NLGN4X: variants seen among roughly 807,000 people sequenced by gnomAD.
NLGN4X encodes neuroligin 4 X-linked.
In NLGN4X, 3 loss-of-function variants were observed where a neutral mutation model predicts 40.3. That is an observed-to-expected ratio of 0.07 (90% confidence interval 0.03 to 0.19). NLGN4X has a LOEUF of 0.19. Ranked by LOEUF, NLGN4X falls within the 10% of genes least tolerant of loss-of-function variation. The pLI, the probability that NLGN4X is intolerant of heterozygous loss-of-function variation, is 1.00. For missense variants in NLGN4X, 382 were observed against 708.3 expected, an observed-to-expected ratio of 0.54 and a Z score of 5.23; for synonymous variants, 270 against 306.8, an observed-to-expected ratio of 0.88 and a Z score of 1.25.
intron 1 of NLGN4X, among the ~76,000 whole-genome samples, chrX:6,175,302 T>C (rs902416142): frequency 7.2e-5 from 8 of 111,035 alleles, no homozygotes; most frequent in African/African-American, 2.6e-4. Flanking sequence ...TAAAATTATC[T>C]CTGTATTTCT....
intron 2 of NLGN4X, among the ~76,000 whole-genome samples, chrX:6,075,377 A>G (rs1243060599): frequency 1.8e-5 from 2 of 112,101 alleles, no homozygotes; most frequent in African/African-American, 6.5e-5. Context: ...ACCTGATGCT[A>G]TAAAGAACAG....
chrX:5,978,984 T>C (rs2035293027), intron 3 of NLGN4X, among the ~76,000 whole-genome samples: 1 of 110,896 alleles, frequency 9.0e-6, no homozygotes, highest in South Asian at 3.9e-4. Flanking sequence ...TATACATATA[T>C]GTGTATTTTA....
chrX:6,124,785 C>T (rs749256973), intron 2 of NLGN4X, among the ~76,000 whole-genome samples: 4 of 112,156 alleles, frequency 3.6e-5, no homozygotes, highest in African/African-American at 1.3e-4. Context: ...AACACACATT[C>T]TCACATATAC....
At chrX:6,192,096 C>A (rs1922592271) in intron 1 of NLGN4X, among the ~76,000 whole-genome samples, 1 of 111,119 alleles carries the variant, frequency 9.0e-6, no homozygotes, top group South Asian at 3.8e-4. Context: ...TTAGACATCA[C>A]CAGGCACTGA....
chrX:6,207,933 T>C (rs1924178201), intron 1 of NLGN4X, among the ~76,000 whole-genome samples: 1 of 112,245 alleles, frequency 8.9e-6, no homozygotes, highest in African/African-American at 3.2e-5. Flanking sequence ...CGGTTAATAA[T>C]ACATCTTTTA....
intron 3 of NLGN4X, among the ~76,000 whole-genome samples, chrX:5,974,840 A>G (rs2035128440): frequency 8.9e-6 from 1 of 112,226 alleles, no homozygotes; most frequent in Non-Finnish European, 1.9e-5. Context: ...AGCTAATAAT[A>G]CAATAGAAGA....
chrX:6,022,877 C>A (rs1342749823), intron 3 of NLGN4X, among the ~76,000 whole-genome samples: 2 of 111,514 alleles, frequency 1.8e-5, no homozygotes, highest in African/African-American at 6.5e-5. Context: ...GGTTAAGTCA[C>A]CCAAATTATG....
chrX:6,167,069 CAAAAAAAAAAAA>C (rs869227439), intron 1 of NLGN4X, among the ~76,000 whole-genome samples: 2 of 59,290 alleles, frequency 3.4e-5, no homozygotes, highest in Non-Finnish European at 2.9e-5. Context: ...GAAACTGTCT[CAAAAAAAAAAAA>C]AAAAAAAAAA....
chrX:6,171,118 C>T (rs1305988702), intron 1 of NLGN4X, among the ~76,000 whole-genome samples: 2 of 112,539 alleles, frequency 1.8e-5, no homozygotes, highest in Non-Finnish European at 3.8e-5. Flanking sequence ...GCCACTACAC[C>T]TGGCCTTCTC....
rs115031187 is a variant in NLGN4X at position 6,136,267 on chromosome X, T to C, written c.472+14728A>G. On this transcript the variant is annotated intron_variant, in intron 2 of 5. Transcript: ENST00000381095. ...TTTGCATATTATGCCACATTAGTTA[T>C]TGACTGCTATGTAACAAATAACCAA... 6.1e-3 allele frequency among the ~76,000 whole-genome samples: 686 copies of C among 112,556 alleles called. 6 individuals are homozygous for C. The highest frequency in any genetic ancestry group is 0.021 in the African/African-American group (658 of 31,004).
intron 1 of NLGN4X, among the ~76,000 whole-genome samples, chrX:6,197,416 C>CA (rs1457646762): frequency 1.1e-5 from 1 of 90,008 alleles, no homozygotes; most frequent in Admixed American, 1.1e-4. Context: ...CATGCACCAC[C>CA]ATGCTCAGCT....
At chrX:6,007,574 A>C (rs1456233403) in intron 3 of NLGN4X, among the ~76,000 whole-genome samples, 2 of 112,423 alleles carry the variant, frequency 1.8e-5, no homozygotes, top group Non-Finnish European at 3.8e-5. Flanking sequence ...TAAAACACGT[A>C]TTTTGTTAGT....
At chrX:6,215,298 C>T (rs181671969) in intron 1 of NLGN4X, among the ~76,000 whole-genome samples, 1 of 108,799 alleles carries the variant, frequency 9.2e-6, no homozygotes, top group East Asian at 2.8e-4. Flanking sequence ...CGCCTGTAAT[C>T]CCAGCACTTT....
chrX:6,220,475 C>A (rs949740940), intron 1 of NLGN4X, among the ~76,000 whole-genome samples: 3 of 106,090 alleles, frequency 2.8e-5, no homozygotes, highest in African/African-American at 6.9e-5. Flanking sequence ...TACAAGTACA[C>A]AACATTGCAC....
intron 2 of NLGN4X, among the ~76,000 whole-genome samples, chrX:6,095,973 T>C (rs144159903): frequency 8.9e-6 from 1 of 112,432 alleles, no homozygotes; most frequent in Admixed American, 9.4e-5. Context: ...GTTTGGAGTA[T>C]CAGGGCATCT....
chrX:6,121,418 C>T (rs1214320613), intron 2 of NLGN4X, among the ~76,000 whole-genome samples: 3 of 111,621 alleles, frequency 2.7e-5, no homozygotes, highest in African/African-American at 9.8e-5. Flanking sequence ...AAAATAAAAA[C>T]ACACCCTATC....
At chrX:6,083,543 A>G (rs1220256044) in intron 2 of NLGN4X, among the ~76,000 whole-genome samples, 1 of 112,307 alleles carries the variant, frequency 8.9e-6, no homozygotes, top group Non-Finnish European at 1.9e-5. Context: ...AGTAGCTTGA[A>G]GGTAGGAGGC....
intron 1 of NLGN4X, among the ~76,000 whole-genome samples, chrX:6,204,258 G>A (rs1333708005): frequency 8.9e-6 from 1 of 112,269 alleles, no homozygotes; most frequent in African/African-American, 3.2e-5. Flanking sequence ...CCTGAAATGA[G>A]AAACAATCTG....
chrX:5,904,549 A>G (rs1184199258), intron 4 of NLGN4X, among the ~76,000 whole-genome samples: 1 of 112,390 alleles, frequency 8.9e-6, no homozygotes, highest in Admixed American at 9.4e-5. Flanking sequence ...AGAGATGTGT[A>G]TATTTTATTT....
Sources: allele counts gnomAD v4.1 joint callset (sites outside exome capture counted in the v4.1 genomes callset), GRCh38; gene constraint gnomAD v4.1.1; transcripts MANE v1.5; gene names NCBI Gene and HGNC (gene_info 2026-07-23, HGNC 2026-07-21).